Variants in FAM169A observed in about 807,000 individuals in gnomAD.
FAM169A encodes the protein soluble lamin-associated protein of 75 kDa.
FAM169A carries 24 observed loss-of-function variants against 75.7 expected under a neutral mutation model. The observed-to-expected ratio is 0.32, with a 90% CI of 0.23 to 0.45. FAM169A has a LOEUF of 0.45. Ranked by LOEUF, FAM169A falls within the 20% of genes least tolerant of loss-of-function variation. The pLI is 1.00. For missense variants in FAM169A, 673 were observed against 784.0 expected, an observed-to-expected ratio of 0.86 and a Z score of 1.69; for synonymous variants, 271 against 271.0, an observed-to-expected ratio of 1.00 and a Z score of 0.00.
chr5:74,834,222 TTTTTA>T (rs1455723918), intron 5 of FAM169A, among the ~76,000 whole-genome samples, 199 bp downstream of exon 5: 1 of 152,196 alleles, frequency 6.6e-6, no homozygotes, highest in Admixed American at 6.5e-5. Flanking sequence ...CAAATGTTTA[TTTTTA>T]TTTTGTTTTT....
chr5:74,819,485 A>C (rs1015509776), intron 5 of FAM169A, among the ~76,000 whole-genome samples: 96 of 152,314 alleles, frequency 6.3e-4, no homozygotes, highest in Non-Finnish European at 5.9e-5. Flanking sequence ...TATGGAAGAC[A>C]GTTTGGCAGT....
chr5:74,859,264 C>T (rs1317230935), intron 1 of FAM169A, among the ~76,000 whole-genome samples: 2 of 149,672 alleles, frequency 1.3e-5, no homozygotes, highest in Non-Finnish European at 3.0e-5. Flanking sequence ...AATACACAAA[C>T]TAACAAAAAA....
At chr5:74,839,487 C>T (rs1748744068) in intron 3 of FAM169A, among the ~76,000 whole-genome samples, 1 of 151,960 alleles carries the variant, frequency 6.6e-6, no homozygotes, top group Non-Finnish European at 1.5e-5. Flanking sequence ...TCCTGGTGGC[C>T]TCCCCAGCCA....
intron 10 of FAM169A, chr5:74,799,097 A>AT: frequency 2.0e-6 from 2 of 978,336 alleles, no homozygotes; most frequent in South Asian, 2.6e-5. Context: ...GTGCACATCT[A>AT]TAAGAAGAAT....
chr5:74,800,809 GATAAT>G (rs1466301809), intron 10 of FAM169A, 66 bp downstream of exon 10: 213 of 594,208 alleles, frequency 3.6e-4, no homozygotes, highest in Non-Finnish European at 7.4e-5. Flanking sequence ...ATTAAATATT[GATAAT>G]ATAAAAGTAT....
chr5:74,781,816 C>A lies in FAM169A; in HGVS notation c.1657G>T (p.Glu553Ter). Reference sequence around the variant, plus strand: ...GACAAATTCTCAGAGACCGGTTCTTCGGAAAATTCAGCTATCACAGAGTTT... The same window carrying A: ...GACAAATTCTCAGAGACCGGTTCTTAGGAAAATTCAGCTATCACAGAGTTT... ...FPNSVIAEFS[E>*]EPVSENLSPN... is the part of the protein sequence containing the mutation. Residue 553 changes from glutamate (E) to a stop codon, truncating the protein, a stop_gained, in exon 13 of 13, where the codon GAA (glutamate) becomes TAA (stop). Transcript: ENST00000687041. LOFTEE classifies it high-confidence loss of function. The A allele has an allele frequency of 6.2e-7, 1 of 1,614,024 alleles. No individual in the cohort carries two copies. Among genetic ancestry groups the A allele is most frequent in the South Asian group, 1.1e-5 (1 of 91,078 alleles).
Position 74,834,431 on chromosome 5 carries a change from G to T in FAM169A, c.485C>A (p.Pro162His). 1 of 1,503,350 alleles carries T rather than the reference G, an allele frequency of 6.7e-7. No individual in the cohort carries two copies. The highest frequency in any genetic ancestry group is 1.4e-5 in the South Asian group (1 of 70,208). The allele number at this position is 1,503,350 out of a possible 1,614,324, so 93.1% of individuals were successfully genotyped here. A position where few individuals can be genotyped will look rare whatever the true frequency, so the allele number is the denominator to read the frequency against. The change falls in exon 5 of 13, where the codon CCT (proline) becomes CAT (histidine). Residue 162 changes from proline (P) to histidine (H), a missense_variant. By Grantham distance (77) the Pro-to-His change is moderately conservative. Transcript: ENST00000687041. ...GEAIGFYSVK[P>H]TGSICASFLT... Reference sequence around the variant, plus strand: ...AATAACTTTTAAAGACTCACCTGTAGGCTTAACTGAATAAAACCCAATGGC... The same window carrying T: ...AATAACTTTTAAAGACTCACCTGTATGCTTAACTGAATAAAACCCAATGGC...
chr5:74,858,854 C>T (rs1489120134), intron 1 of FAM169A, among the ~76,000 whole-genome samples: 3 of 152,134 alleles, frequency 2.0e-5, no homozygotes, highest in African/African-American at 7.2e-5. Context: ...AATTAGAAGA[C>T]AGCCTCTTAG....
intron 5 of FAM169A, among the ~76,000 whole-genome samples, chr5:74,833,838 G>A (rs1290589853): frequency 2.0e-5 from 3 of 152,190 alleles, no homozygotes. Context: ...GGGAGTACAG[G>A]TAAAGCAGGT....
chr5:74,798,909 T>G, intron 10 of FAM169A: 1 of 666,190 alleles, frequency 1.5e-6, no homozygotes, highest in African/African-American at 1.8e-5. Context: ...TCACATCGAC[T>G]GCCCAGAGTC....
At chr5:74,852,902 CTG>C (rs942268074) in intron 1 of FAM169A, among the ~76,000 whole-genome samples, 23 of 152,276 alleles carry the variant, frequency 1.5e-4, no homozygotes, top group African/African-American at 5.3e-4. Context: ...GTAGGAAGAA[CTG>C]AAGGGAGACA....
At chr5:74,818,795 CTCTCTCTCTATA>C (rs1251203634) in intron 5 of FAM169A, among the ~76,000 whole-genome samples, 97 of 139,956 alleles carry the variant, frequency 6.9e-4, no homozygotes, top group African/African-American at 2.6e-3. Flanking sequence ...CTCTCTCTCT[CTCTCTCTCTATA>C]TATATATATA....
At chr5:74,782,515 CAA>C (rs1406251932) in intron 12 of FAM169A, among the ~76,000 whole-genome samples, 1 of 152,128 alleles carries the variant, frequency 6.6e-6, no homozygotes, top group Non-Finnish European at 1.5e-5. Flanking sequence ...TCAAAAGTAA[CAA>C]AATTAAATTT....
intron 11 of FAM169A, 41 bp downstream of exon 11, chr5:74,795,989 A>G (rs762594714): frequency 1.3e-6 from 2 of 1,584,840 alleles, no homozygotes; most frequent in East Asian, 2.2e-5. Flanking sequence ...GGTAAAATTT[A>G]GTTTACTTTT....
At chr5:74,863,852 T>C (rs1443755686) in intron 1 of FAM169A, among the ~76,000 whole-genome samples, 1 of 152,136 alleles carries the variant, frequency 6.6e-6, no homozygotes, top group Non-Finnish European at 1.5e-5. Context: ...AGAGTTGTGT[T>C]TGACTCAGCA....
upstream of FAM169A, chr5:74,866,537 G>A (rs1750359311): frequency 1.8e-6 from 1 of 559,624 alleles, no homozygotes; most frequent in Non-Finnish European, 2.3e-6. Context: ...CGGCCCGGCA[G>A]GTGCGGGCTT....
intron 5 of FAM169A, among the ~76,000 whole-genome samples, chr5:74,825,841 T>C (rs2112620344): frequency 6.6e-6 from 1 of 152,298 alleles, no homozygotes; most frequent in Middle Eastern, 3.4e-3. Context: ...ATCTTTTCTC[T>C]ATTCCAGATG....
At chr5:74,799,737 C>T in intron 10 of FAM169A, 2 of 1,158,236 alleles carry the variant, frequency 1.7e-6, no homozygotes, top group Non-Finnish European at 2.6e-6. Context: ...GTTCCAGCTG[C>T]TCCTGAGTGT....
chr5:74,799,220 C>T, intron 10 of FAM169A: 1 of 1,351,852 alleles, frequency 7.4e-7, no homozygotes. Context: ...GACCACAATG[C>T]CTATGTCTGG....
Sources: gnomAD v4.1 joint callset for allele counts (sites outside exome capture counted in the v4.1 genomes callset) on GRCh38, gnomAD v4.1.1 for gene constraint, MANE v1.5 for transcripts, NCBI Gene and HGNC (gene_info 2026-07-23, HGNC 2026-07-21) for gene names.